RUNDC3B: variants seen among roughly 807,000 people sequenced by gnomAD.
RUNDC3B encodes RUN domain containing 3B.
Under a neutral mutation model 58.4 loss-of-function variants are expected in RUNDC3B, and 33 were observed. That is an observed-to-expected ratio of 0.56 (90% CI 0.43 to 0.75). The LOEUF is 0.75. Ranked by LOEUF, RUNDC3B falls within the 30% of genes least tolerant of loss-of-function variation. RUNDC3B has a pLI of 0.00. For synonymous variants in RUNDC3B, 193 were observed against 195.2 expected (o/e 0.99, Z 0.10); for missense variants, 501 against 535.7 (o/e 0.94, Z 0.64).
At chr7:87,724,567 T>A (rs1457567239) in intron 4 of RUNDC3B, among the ~76,000 whole-genome samples, 7 of 152,172 alleles carry the variant, frequency 4.6e-5, no homozygotes, top group African/African-American at 1.4e-4. Context: ...ATTTCATTAG[T>A]TAAAAAATTT....
At chr7:87,710,045 T>G (rs1346703280) in intron 3 of RUNDC3B, among the ~76,000 whole-genome samples, 3 of 152,164 alleles carry the variant, frequency 2.0e-5, no homozygotes, top group Non-Finnish European at 2.9e-5. Context: ...CCAAATTCAA[T>G]AGCTCATGAT....
intron 10 of RUNDC3B, among the ~76,000 whole-genome samples, chr7:87,822,318 C>A (rs956037390): frequency 6.6e-6 from 1 of 152,180 alleles, no homozygotes; most frequent in Non-Finnish European, 1.5e-5. Flanking sequence ...CAGAGAAATG[C>A]AAGTCAAAAC....
chr7:87,748,646 A>G (rs1023784629), intron 6 of RUNDC3B, among the ~76,000 whole-genome samples: 3 of 152,168 alleles, frequency 2.0e-5, no homozygotes, highest in Non-Finnish European at 4.4e-5. Flanking sequence ...GTGCCTAACC[A>G]TAGGACAAAA....
rs1830688496 is a variant in RUNDC3B, at chr7:87,718,470, T to C, written c.458+7815T>C. Among the ~76,000 whole-genome samples the C allele has an allele frequency of 2.0e-5, 3 of 152,306 alleles. No individual in the cohort carries two copies. The South Asian group carries it at 6.2e-4, about 32-fold the overall frequency. ...GAGCCATTCTTACCCATCAGAGTGA[T>C]GGTAATCCTTCCAAAATCTAAGTTC... On this transcript the variant is annotated intron_variant, in intron 4 of 10. Coordinates refer to ENST00000394654, the MANE Select transcript of RUNDC3B (RefSeq NM_001134405.2).
intron 9 of RUNDC3B, 55 bp from the exon 10 acceptor site, chr7:87,816,083 CAAG>C: frequency 1.6e-6 from 2 of 1,261,390 alleles, no homozygotes; most frequent in Non-Finnish European, 1.1e-6. Flanking sequence ...AATAACCACT[CAAG>C]AAATTATTTT....
At chr7:87,694,423 C>A (rs1206732134) in intron 2 of RUNDC3B, among the ~76,000 whole-genome samples, 1 of 152,110 alleles carries the variant, frequency 6.6e-6, no homozygotes, top group Non-Finnish European at 1.5e-5. Context: ...CTGCTATATG[C>A]AAAACACTGC....
At chr7:87,742,555 G>A (rs758023518) in intron 6 of RUNDC3B, among the ~76,000 whole-genome samples, 12 of 151,064 alleles carry the variant, frequency 7.9e-5, no homozygotes, top group East Asian at 1.9e-4. Flanking sequence ...TTATGGCTGC[G>A]TAGTATTCCA....
chr7:87,630,953 C>G (rs1373636181), intron 1 of RUNDC3B, among the ~76,000 whole-genome samples: 1 of 152,024 alleles, frequency 6.6e-6, no homozygotes, highest in Non-Finnish European at 1.5e-5. Flanking sequence ...GGACAGCTCT[C>G]TGTATTAGTT....
At chr7:87,810,084 T>C (rs1214382370) in intron 9 of RUNDC3B, among the ~76,000 whole-genome samples, 1 of 152,138 alleles carries the variant, frequency 6.6e-6, no homozygotes, top group Non-Finnish European at 1.5e-5. Flanking sequence ...GGTAAAGATA[T>C]GGGATGTCTA....
chr7:87,720,411 T>G (rs1358630717), intron 4 of RUNDC3B, among the ~76,000 whole-genome samples: 2 of 151,932 alleles, frequency 1.3e-5, no homozygotes, highest in African/African-American at 4.8e-5. Context: ...TCTGAGGAAA[T>G]GCACATTCCT....
chr7:87,644,534 G>T (rs1453778977), intron 1 of RUNDC3B, among the ~76,000 whole-genome samples: 2 of 152,120 alleles, frequency 1.3e-5, no homozygotes, highest in Non-Finnish European at 2.9e-5. Flanking sequence ...ACCTTTGTGA[G>T]CCCTTTTAAG....
intron 8 of RUNDC3B, among the ~76,000 whole-genome samples, chr7:87,781,772 G>A (rs1260248520): frequency 6.6e-6 from 1 of 151,928 alleles, no homozygotes; most frequent in East Asian, 1.9e-4. Flanking sequence ...TTCTGTTTAT[G>A]TGGTAGATCA....
At chr7:87,811,498 T>G (rs1836713209) in intron 9 of RUNDC3B, among the ~76,000 whole-genome samples, 1 of 152,138 alleles carries the variant, frequency 6.6e-6, no homozygotes, top group Non-Finnish European at 1.5e-5. Context: ...CATACCCAGC[T>G]AATTTTTTTT....
chr7:87,654,726 G>A (rs1823913634), intron 2 of RUNDC3B, among the ~76,000 whole-genome samples: 1 of 151,716 alleles, frequency 6.6e-6, no homozygotes, highest in African/African-American at 2.4e-5. Context: ...ATAAACAAGT[G>A]GAATTACATC....
At chr7:87,806,484 G>A (rs1235143925) in intron 8 of RUNDC3B, among the ~76,000 whole-genome samples, 1 of 152,180 alleles carries the variant, frequency 6.6e-6, no homozygotes, top group Admixed American at 6.5e-5. Context: ...CCTGTTGGAG[G>A]ATGCAGGTTA....
At position 87,679,254 on chromosome 7, in the gene RUNDC3B, G is replaced by A. The variant is rs185663397; in HGVS notation, c.239-21167G>A. 3.0e-4 allele frequency among the ~76,000 whole-genome samples: 44 copies of A among 148,900 alleles called. 1 individual carries two copies. Among genetic ancestry groups the A allele is most frequent in the Admixed American group, 5.4e-4 (8 of 14,850 alleles). On this transcript the variant is annotated intron_variant, in intron 2 of 10. Transcript: ENST00000394654. Reference sequence around the variant, plus strand: ...ACTACAGGTGCCCGCCACCACGCCCGGGTAATTTTTTTGTATTTTTAGTAG... The same window carrying A: ...ACTACAGGTGCCCGCCACCACGCCCAGGTAATTTTTTTGTATTTTTAGTAG...
At position 87,777,948 on chromosome 7, in the gene RUNDC3B, G is replaced by T. The variant is rs1307617919; in HGVS notation, c.949G>T (p.Asp317Tyr). The T allele has an allele frequency of 6.2e-7, 1 of 1,612,456 alleles. No individual in the cohort carries two copies. The highest frequency in any genetic ancestry group is 1.7e-5 in the Admixed American group (1 of 59,840). Residue 317 changes from aspartate to tyrosine, a missense_variant, in exon 8 of 11, where the codon GAT becomes TAT. Coordinates refer to ENST00000394654, the MANE Select transcript of RUNDC3B (RefSeq NM_001134405.2). ...QLEYIIVELQ[D>Y]QLTVLKNNDL... is the part of the protein sequence containing the mutation. ...AGAATATATAATTGTGGAGCTTCAA[G>T]ATCAGCTGTAAGTACAAGCCTTTTA... is the stretch of plus-strand genomic sequence containing the variant.
chr7:87,694,640 A>T (rs1468234647), intron 2 of RUNDC3B, among the ~76,000 whole-genome samples: 1 of 152,154 alleles, frequency 6.6e-6, no homozygotes, highest in Non-Finnish European at 1.5e-5. Flanking sequence ...GACACACATT[A>T]TACTTGATTT....
At chr7:87,634,043 A>G (rs906433387) in intron 1 of RUNDC3B, among the ~76,000 whole-genome samples, 1 of 152,086 alleles carries the variant, frequency 6.6e-6, no homozygotes, top group African/African-American at 2.4e-5. Flanking sequence ...GCAGGTGTGA[A>G]GAGAGACCAA....
Sources: gnomAD v4.1 joint callset for allele counts (sites outside exome capture counted in the v4.1 genomes callset) on GRCh38, gnomAD v4.1.1 for gene constraint, MANE v1.5 for transcripts, NCBI Gene and HGNC (gene_info 2026-07-23, HGNC 2026-07-21) for gene names.